TGM3: variants seen among roughly 807,000 people sequenced by gnomAD.
TGM3 encodes the protein protein-glutamine gamma-glutamyltransferase E.
In TGM3, 52 loss-of-function variants were observed where a neutral mutation model predicts 73.8. The observed-to-expected ratio is 0.70, with a 90% CI of 0.56 to 0.89. The LOEUF (loss-of-function observed/expected upper bound fraction) is 0.89. Ranked by LOEUF, TGM3 falls within the 40% of genes least tolerant of loss-of-function variation. The probability of loss-of-function intolerance (pLI) is 0.00; values close to 1 mark genes in which losing one functional copy is unlikely to be tolerated. For synonymous variants in TGM3, 372 were observed against 354.9 expected (o/e 1.05, Z -0.54); for missense variants, 928 against 909.9 (o/e 1.02, Z -0.26).
chr20:2,299,732 G>C (rs1418617301), intron 1 of TGM3, among the ~76,000 whole-genome samples: 1 of 152,194 alleles, frequency 6.6e-6, no homozygotes, highest in African/African-American at 2.4e-5. Context: ...TTTTATAAGT[G>C]TAGATGATAA....
At position 2,325,866 on chromosome 20, in the gene TGM3, A is replaced by G; in HGVS notation, c.1001A>G (p.Asn334Ser). The G allele has an allele frequency of 1.3e-6, 2 of 1,569,552 alleles. No individual in the cohort carries two copies. Among genetic ancestry groups the G allele is most frequent in the Non-Finnish European group, 1.7e-6 (2 of 1,155,874 alleles). The part of the protein sequence containing the change: ...SDSVWNFHVW[N>S]EGWFVRSDLG... ...ATCTGCAGGAATTTCCATGTCTGGA[A>G]TGAAGGCTGGTTTGTGAGGTCTGAC... The change falls in exon 8 of 13, where the codon AAT becomes AGT. Residue 334 changes from asparagine to serine, a missense_variant. Coordinates refer to ENST00000381458, the MANE Select transcript of TGM3 (RefSeq NM_003245.4).
chr20:2,320,697 G>A (rs2084257892), intron 7 of TGM3, among the ~76,000 whole-genome samples: 1 of 152,206 alleles, frequency 6.6e-6, no homozygotes, highest in Non-Finnish European at 1.5e-5. Context: ...TCTTCAGAGT[G>A]AGGACACTTT....
rs1450246245 is a variant in TGM3, at chr20:2,317,120, AC to A, written c.723del (p.Tyr241Ter). 2 of 1,613,870 alleles carry A rather than the reference AC, an allele frequency of 1.2e-6. No individual in the cohort carries two copies. The highest frequency in any genetic ancestry group is 1.7e-6 in the Non-Finnish European group (2 of 1,180,012). ...GVLAGNWSGT[Y>X]TGGRDPRSWN... The stretch of plus-strand genomic sequence containing the variant: ...CTTGCTGGGAATTGGAGCGGCACTT[AC>A]ACCGGTGGCCGGGACCCAAGGAGCT... On this transcript the variant is annotated frameshift_variant, in exon 6 of 13. Coordinates refer to ENST00000381458, the MANE Select transcript of TGM3 (RefSeq NM_003245.4). LOFTEE classifies it high-confidence loss of function.
intron 11 of TGM3, among the ~76,000 whole-genome samples, chr20:2,338,066 G>C (rs190452761): frequency 9.2e-4 from 127 of 138,496 alleles, no homozygotes; most frequent in African/African-American, 3.3e-3. Context: ...AGCTCACTCA[G>C]AGCAGGGCAC....
At chr20:2,316,559 A>G (rs1292008577) in intron 5 of TGM3, among the ~76,000 whole-genome samples, 1 of 151,892 alleles carries the variant, frequency 6.6e-6, no homozygotes, top group African/African-American at 2.4e-5. Flanking sequence ...GAGACTCTGT[A>G]TCAGAAAATA....
intron 4 of TGM3, among the ~76,000 whole-genome samples, chr20:2,312,355 C>T (rs187800271): frequency 1.4e-5 from 2 of 141,754 alleles, no homozygotes. Context: ...CGAGATCATA[C>T]CACTGCACTC....
chr20:2,325,908 G>A lies in TGM3; in HGVS notation c.1043G>A (p.Gly348Asp), dbSNP rs2084285008. The A allele has an allele frequency of 6.3e-7, 1 of 1,594,354 alleles. No individual in the cohort carries two copies. The highest frequency in any genetic ancestry group is 8.6e-7 in the Non-Finnish European group (1 of 1,169,362). ...FVRSDLGPSY[G>D]GWQVLDATPQ... Reference sequence around the variant, plus strand: ...AGGTCTGACCTGGGCCCCTCGTACGGTGGATGGCAGGTGTTGGATGCTACC... The same window carrying A: ...AGGTCTGACCTGGGCCCCTCGTACGATGGATGGCAGGTGTTGGATGCTACC... The change falls in exon 8 of 13, where the codon GGT becomes GAT. Residue 348 changes from glycine to aspartate, a missense_variant. Coordinates refer to ENST00000381458, the MANE Select transcript of TGM3 (RefSeq NM_003245.4).
Position 2,340,746 on chromosome 20 carries a change from C to T in TGM3, c.*165C>T. On this transcript the variant is annotated 3_prime_UTR_variant, in exon 13 of 13. Transcript: ENST00000381458. ...TCCAGCACATCCCCCTCTCCTCTCC[C>T]CCAGGTTGGGGCTGGGTCCACCCTG... is the stretch of plus-strand genomic sequence containing the variant. The T allele has an allele frequency of 5.4e-6, 5 of 931,778 alleles. No individual in the cohort carries two copies. In the South Asian group the frequency reaches 5.7e-5, roughly 11 times the overall value. 57.7% of individuals were successfully genotyped at this position (931,778 alleles called of 1,614,324 possible).
In TGM3 at chr20:2,313,014, G is replaced by A. The variant is rs777878174; in HGVS notation, c.657G>A (p.Val219=). Residue 219 remains valine (V), a synonymous_variant, in exon 5 of 13, where the codon GTG becomes GTA. Coordinates refer to ENST00000381458, the MANE Select transcript of TGM3 (RefSeq NM_003245.4). ...ATGACCCCAAATACGTTGGCCGGGTGCTGAGTGCCATGGTGAGTAACAGGA... is the reference window on the plus strand; with the variant it reads ...ATGACCCCAAATACGTTGGCCGGGTACTGAGTGCCATGGTGAGTAACAGGA... The part of the protein sequence containing the change: ...SRNDPKYVGR[V]LSAMINSNDD... 4.3e-6 allele frequency: 7 copies of A among 1,614,064 alleles called. No homozygotes were observed. In the South Asian group the frequency reaches 5.5e-5, roughly 13 times the overall value.
At chr20:2,323,885 G>A (rs6048154) in intron 7 of TGM3, among the ~76,000 whole-genome samples, 15,791 of 152,114 alleles carry the variant, frequency 0.1, 2,640 homozygotes, top group African/African-American at 0.35. Flanking sequence ...TTGCCTGCTC[G>A]TTGCTATTTA....
intron 7 of TGM3, among the ~76,000 whole-genome samples, chr20:2,318,330 T>C (rs560948344): frequency 1.3e-5 from 2 of 152,304 alleles, no homozygotes; most frequent in East Asian, 1.9e-4. Context: ...AAATGTTTTA[T>C]ATATATTTGG....
At chr20:2,310,881 G>A (rs2084199950) in intron 3 of TGM3, 130 bp from the exon 4 acceptor site, 5 of 766,336 alleles carry the variant, frequency 6.5e-6, no homozygotes, top group South Asian at 4.7e-5. Flanking sequence ...CAGCCCAAGG[G>A]TCAGGGGAGG....
chr20:2,310,331 C>A lies in TGM3; in HGVS notation c.335C>A (p.Thr112Lys), dbSNP rs748839401. ...GCCAGCGCACCCATAGGACGGTACA[C>A]AATGGCCCTCCAGATCTTCTCCCAG... is the stretch of plus-strand genomic sequence containing the variant. Reference protein sequence around the residue: ...SPASAPIGRYTMALQIFSQGG... With the variant: ...SPASAPIGRYKMALQIFSQGG... The change falls in exon 3 of 13, where the codon ACA becomes AAA. Residue 112 changes from threonine (T) to lysine (K), a missense_variant. By Grantham distance (78) the Thr-to-Lys change is moderately conservative (BLOSUM62 -1). Transcript: ENST00000381458. 1.2e-6 allele frequency: 2 copies of A among 1,614,230 alleles called. No homozygotes were observed. The highest frequency in any genetic ancestry group is 1.7e-6 in the Non-Finnish European group (2 of 1,180,038).
chr20:2,316,310 T>G (rs764020961), intron 5 of TGM3, among the ~76,000 whole-genome samples: 18 of 152,216 alleles, frequency 1.2e-4, no homozygotes, highest in Non-Finnish European at 2.5e-4. Flanking sequence ...CCGGGTGTGG[T>G]GGCTCACACC....
intron 9 of TGM3, among the ~76,000 whole-genome samples, chr20:2,329,325 G>A (rs571949873): frequency 8.5e-5 from 13 of 152,278 alleles, no homozygotes; most frequent in East Asian, 7.7e-4. Context: ...AAAGCTGAGC[G>A]CAGGTGATGG....
At chr20:2,316,590 TAAATAAATAAAATAA>T (rs1420054258) in intron 5 of TGM3, among the ~76,000 whole-genome samples, 1 of 150,576 alleles carries the variant, frequency 6.6e-6, no homozygotes, top group African/African-American at 2.4e-5. Context: ...TAAATAATAA[TAAATAAATAAAATAA>T]AAATAAATAA....
At chr20:2,318,976 A>T (rs1379152205) in intron 7 of TGM3, among the ~76,000 whole-genome samples, 1 of 152,112 alleles carries the variant, frequency 6.6e-6, no homozygotes, top group Non-Finnish European at 1.5e-5. Flanking sequence ...GAGTCAATGG[A>T]TTCTGGGGTT....
intron 9 of TGM3, among the ~76,000 whole-genome samples, chr20:2,331,116 T>A (rs1428312477): frequency 2.0e-5 from 3 of 151,446 alleles, no homozygotes; most frequent in African/African-American, 7.3e-5. Context: ...AGAATGTAAG[T>A]GTGGTCTGCA....
chr20:2,299,321 A>G (rs544978022), intron 1 of TGM3, among the ~76,000 whole-genome samples: 212 of 152,034 alleles, frequency 1.4e-3, no homozygotes, highest in African/African-American at 4.9e-3. Flanking sequence ...TTCCCAGGGG[A>G]CCCTCTCCAT....
Sources: allele counts gnomAD v4.1 joint callset (sites outside exome capture counted in the v4.1 genomes callset), GRCh38; gene constraint gnomAD v4.1.1; transcripts MANE v1.5; gene names NCBI Gene and HGNC (gene_info 2026-07-23, HGNC 2026-07-21).